The following KLB variants were observed in gnomAD, a reference collection of about 807,000 sequenced individuals.
KLB encodes beta-klotho.
In KLB, 44 loss-of-function variants were observed where a neutral mutation model predicts 88.4. The ratio of observed to expected loss-of-function variants is 0.50; its 90% CI spans 0.39 to 0.64. The LOEUF (loss-of-function observed/expected upper bound fraction) is 0.64. Among genes scored for constraint, KLB ranks in the 30% least tolerant of loss-of-function variants. KLB has a pLI of 0.00. For missense variants in KLB, 1,137 were observed against 1,304.8 expected (o/e 0.87, Z 1.98); for synonymous variants, 548 against 513.4 (o/e 1.07, Z -0.91).
chr4:39,420,583 G>A (rs917378766), intron 1 of KLB, among the ~76,000 whole-genome samples: 5 of 151,932 alleles, frequency 3.3e-5, no homozygotes, highest in Non-Finnish European at 5.9e-5. Context: ...GGAGTGTAGT[G>A]GCATGATCAT....
At chr4:39,441,775 TAAATAAA>T (rs1367671361) in intron 3 of KLB, 2 of 144,838 alleles carry the variant, frequency 1.4e-5, no homozygotes, top group Non-Finnish European at 3.0e-5. Context: ...CATAAATAAA[TAAATAAA>T]TAAATAAATA....
rs763758863 is a variant in KLB at position 39,448,691 on chromosome 4, A to T, written c.*5A>T. On this transcript the variant is annotated 3_prime_UTR_variant, in exon 5 of 5. Transcript: ENST00000257408. Reference sequence around the variant, plus strand: ...GGCAAGAGAGTTGTTAGCTAAACTGATCTGTCTGCATGATAGACAGTTTAA... The same window carrying T: ...GGCAAGAGAGTTGTTAGCTAAACTGTTCTGTCTGCATGATAGACAGTTTAA... The T allele has an allele frequency of 3.1e-6, 5 of 1,602,862 alleles. No homozygotes were observed. In the African/African-American group the frequency reaches 5.4e-5, roughly 17 times the overall value.
chr4:39,451,090 G>C lies in KLB; in HGVS notation c.*2404G>C, dbSNP rs979131395. On this transcript the variant is annotated 3_prime_UTR_variant, in exon 5 of 5. Coordinates refer to ENST00000257408, the MANE Select transcript of KLB (RefSeq NM_175737.4). ...GTAATAAAATTCCTAACCCAGTACT[G>C]AGAGTCCTCCTTCTCTGCCACTTGG... 1 of 152,086 alleles carries C rather than the reference G, an allele frequency of 6.6e-6. No homozygotes were observed. The highest frequency in any genetic ancestry group is 1.5e-5 in the Non-Finnish European group (1 of 68,022). The allele number at this position is 152,086 out of a possible 1,614,324, so 9.4% of individuals were successfully genotyped here.
chr4:39,447,547 G>A lies in KLB; in HGVS notation c.2749+72G>A, dbSNP rs1743785385. Reference sequence around the variant, plus strand: ...TACCTGACAAGAACAAAGAATGGGAGCAGCAGGCTGGTGCCTGACAGCATC... The same window carrying A: ...TACCTGACAAGAACAAAGAATGGGAACAGCAGGCTGGTGCCTGACAGCATC... On this transcript the variant is annotated intron_variant, in intron 4 of 4. Coordinates refer to ENST00000257408, the MANE Select transcript of KLB (RefSeq NM_175737.4). 3.8e-6 allele frequency: 5 copies of A among 1,307,718 alleles called. No homozygotes were observed. In the East Asian group the frequency reaches 7.2e-5, roughly 19 times the overall value. 81.0% of individuals were successfully genotyped at this position (1,307,718 alleles called of 1,614,324 possible). A position where few individuals can be genotyped will look rare whatever the true frequency, so the allele number is the denominator to read the frequency against.
chr4:39,420,519 A>G (rs1163078769), intron 1 of KLB, among the ~76,000 whole-genome samples: 1 of 152,100 alleles, frequency 6.6e-6, no homozygotes, highest in Non-Finnish European at 1.5e-5. Flanking sequence ...AGTTTCAACC[A>G]ATACCCTTGA....
At chr4:39,427,154 G>C (rs937706080) in intron 1 of KLB, among the ~76,000 whole-genome samples, 19 of 152,246 alleles carry the variant, frequency 1.2e-4, no homozygotes, top group African/African-American at 4.3e-4. Context: ...GAGCAACATA[G>C]TGAGAGGTTG....
rs1402171374 is a variant in KLB, at chr4:39,448,542, G to A, written c.2991G>A (p.Leu997=). Residue 997 remains leucine, a synonymous_variant, in exon 5 of 5, where the codon CTG becomes CTA. Coordinates refer to ENST00000257408, the MANE Select transcript of KLB (RefSeq NM_175737.4). ...VCLFLVQKKP[L]IFLGCCFFST... ...TATTCCTTGTGCAGAAGAAACCACT[G>A]ATATTCCTGGGTTGTTGCTTCTTCT... is the stretch of plus-strand genomic sequence containing the variant. 1 of 1,614,188 alleles carries A rather than the reference G, an allele frequency of 6.2e-7. No individual in the cohort carries two copies. Among genetic ancestry groups the A allele is most frequent in the South Asian group, 1.1e-5 (1 of 91,086 alleles).
intron 3 of KLB, among the ~76,000 whole-genome samples, chr4:39,439,704 A>G (rs973112356): frequency 6.9e-6 from 1 of 144,006 alleles, no homozygotes; most frequent in Non-Finnish European, 1.5e-5. Flanking sequence ...CTTGTTGCTC[A>G]TCGCCCAGGC....
At chr4:39,409,785 G>A (rs963064094) in intron 1 of KLB, among the ~76,000 whole-genome samples, 18 of 151,574 alleles carry the variant, frequency 1.2e-4, no homozygotes, top group Non-Finnish European at 1.9e-4. Flanking sequence ...TTAACTGGGC[G>A]TCGTGGCACG....
At position 39,446,767 on chromosome 4, in the gene KLB, C is replaced by T; in HGVS notation, c.2041C>T (p.Leu681=). The change falls in exon 4 of 5, where the codon CTG becomes TTG. Residue 681 remains leucine, a synonymous_variant. Coordinates refer to ENST00000257408, the MANE Select transcript of KLB (RefSeq NM_175737.4). This position sits in a 1 kb window ranked among gnomAD's most constrained non-coding sequence, Gnocchi z 6.4. The stretch of plus-strand genomic sequence containing the variant: ...CTACGCTGGGCTGTGCTTCCAGGAG[C>T]TGGGGGACCTGGTGAAGCTCTGGAT... ...QAYAGLCFQE[L]GDLVKLWITI... 6 of 1,607,682 alleles carry T rather than the reference C, an allele frequency of 3.7e-6. No homozygotes were observed. The highest frequency in any genetic ancestry group is 5.1e-6 in the Non-Finnish European group (6 of 1,177,062).
At chr4:39,442,577 G>C (rs916301075) in intron 3 of KLB, among the ~76,000 whole-genome samples, 1 of 151,906 alleles carries the variant, frequency 6.6e-6, no homozygotes, top group African/African-American at 2.4e-5. Context: ...GGGATTACAG[G>C]TGCCCCCCAC....
rs1289376052 is a variant in KLB at position 39,451,403 on chromosome 4, A to C, written c.*2717A>C. On this transcript the variant is annotated 3_prime_UTR_variant, in exon 5 of 5. Transcript: ENST00000257408. ...TGTTTATCGTATATTCAATGTAACA[A>C]CCTGGAGAATCACAACTATATTTAA... The C allele has an allele frequency of 6.6e-6, 1 of 152,232 alleles. No individual in the cohort carries two copies. The highest frequency in any genetic ancestry group is 2.4e-5 in the African/African-American group (1 of 41,464). The allele number at this position is 152,232 out of a possible 1,614,324, so 9.4% of individuals were successfully genotyped here.
rs1443726645 is a variant in KLB at position 39,434,685 on chromosome 4, A to G, written c.1301A>G (p.Tyr434Cys). The G allele has an allele frequency of 6.2e-7, 1 of 1,613,468 alleles. No individual in the cohort carries two copies. The highest frequency in any genetic ancestry group is 1.1e-5 in the South Asian group (1 of 90,938). Residue 434 changes from tyrosine (Y) to cysteine (C), a missense_variant, in exon 2 of 5, where the codon TAC becomes TGC. Around this residue, in one of 4 missense-constraint regions of KLB, gnomAD observed 597 missense variants for 765.2 expected, o/e 0.78. Coordinates refer to ENST00000257408, the MANE Select transcript of KLB (RefSeq NM_175737.4). ...AAAACAGAAGACACCACGGCCATCT[A>G]CATGATGAAGAATTTCCTCAGCCAG... ...RVKTEDTTAI[Y>C]MMKNFLSQVL...
At chr4:39,416,610 G>T (rs1165965160) in intron 1 of KLB, among the ~76,000 whole-genome samples, 1 of 151,930 alleles carries the variant, frequency 6.6e-6, no homozygotes, top group African/African-American at 2.4e-5. Flanking sequence ...GTGAGACTTC[G>T]GTCTCTACAA....
At position 39,447,249 on chromosome 4, in the gene KLB, C is replaced by T; in HGVS notation, c.2523C>T (p.Tyr841=). The T allele has an allele frequency of 1.2e-6, 2 of 1,614,128 alleles. No individual in the cohort carries two copies. Among genetic ancestry groups the T allele is most frequent in the East Asian group, 2.2e-5 (1 of 44,884 alleles). The part of the protein sequence containing the change: ...VMHEQLAGSR[Y]DSDRDIQFLQ... ...ACGAGCAGCTGGCCGGCAGCCGCTACGACTCGGACAGGGACATCCAGTTTC... is the reference window on the plus strand; with the variant it reads ...ACGAGCAGCTGGCCGGCAGCCGCTATGACTCGGACAGGGACATCCAGTTTC... The change falls in exon 4 of 5, where the codon TAC becomes TAT. Residue 841 remains tyrosine (Y), a synonymous_variant. Coordinates refer to ENST00000257408, the MANE Select transcript of KLB (RefSeq NM_175737.4).
chr4:39,434,064 C>T, intron 1 of KLB, 146 bp from the exon 2 acceptor site: 1 of 726,198 alleles, frequency 1.4e-6, no homozygotes, highest in Non-Finnish European at 2.3e-6. Flanking sequence ...AGAGAACAGA[C>T]TTTGAGGTCA....
In KLB at chr4:39,449,263, G is replaced by A. The variant is rs1743835212; in HGVS notation, c.*577G>A. ...GTTTGAACCCAGGAAACAGGTTACA[G>A]TAGGCCAAAATTGCGCCACTGCACT... On this transcript the variant is annotated 3_prime_UTR_variant, in exon 5 of 5. Transcript: ENST00000257408. 6.7e-6 allele frequency: 1 copy of A among 149,526 alleles called. No homozygotes were observed. The highest frequency in any genetic ancestry group is 1.5e-5 in the Non-Finnish European group (1 of 67,724). 9.3% of individuals were successfully genotyped at this position (149,526 alleles called of 1,614,324 possible).
intron 2 of KLB, among the ~76,000 whole-genome samples, chr4:39,436,260 G>A (rs1743470004): frequency 6.6e-6 from 1 of 152,194 alleles, no homozygotes; most frequent in Non-Finnish European, 1.5e-5. Context: ...TGCTGCTGGA[G>A]AGAGCCTTCA....
chr4:39,410,532 G>A (rs2109817349), intron 1 of KLB, among the ~76,000 whole-genome samples: 1 of 152,326 alleles, frequency 6.6e-6, no homozygotes, highest in Middle Eastern at 3.4e-3. Flanking sequence ...GTGACGTATA[G>A]CACTAAAGAA....
Sources: gnomAD v4.1 joint callset for allele counts (sites outside exome capture counted in the v4.1 genomes callset) on GRCh38, gnomAD v4.1.1 for gene constraint, gnomAD v4.1.1 regional missense constraint, Gnocchi (gnomAD v3.1) non-coding constraint, MANE v1.5 for transcripts, NCBI Gene and HGNC (gene_info 2026-07-23, HGNC 2026-07-21) for gene names.